Variants in LY86 observed in about 807,000 individuals in gnomAD.
The protein encoded by LY86 is MD-1, RP105-associated.
In LY86, 20 loss-of-function variants were observed where a neutral mutation model predicts 17.3. That is an observed-to-expected ratio of 1.15 (90% confidence interval 0.81 to 1.68). LY86 has a LOEUF of 1.68. Among genes scored for constraint, LY86 ranks in the 40% most tolerant of loss-of-function variants. LY86 has a pLI of 0.00. For synonymous variants in LY86, 74 were observed against 70.6 expected, an observed-to-expected ratio of 1.05 and a Z score of -0.24; for missense variants, 200 against 191.9, an observed-to-expected ratio of 1.04 and a Z score of -0.25.
chr6:6,604,779 G>C (rs938662367), intron 1 of LY86, among the ~76,000 whole-genome samples: 1 of 150,380 alleles, frequency 6.6e-6, no homozygotes, highest in Non-Finnish European at 1.5e-5. Context: ...GTTTCCCAGA[G>C]ATTCGTAAAA....
At chr6:6,589,599 A>C (rs922258317) in intron 1 of LY86, among the ~76,000 whole-genome samples, 11 of 152,168 alleles carry the variant, frequency 7.2e-5, no homozygotes, top group African/African-American at 2.7e-4. Flanking sequence ...AAACCACCAC[A>C]GGCTGGGGAC....
chr6:6,609,351 C>G (rs1250303060), intron 1 of LY86, among the ~76,000 whole-genome samples: 1 of 152,210 alleles, frequency 6.6e-6, no homozygotes, highest in East Asian at 1.9e-4. Context: ...AATTTGACTT[C>G]CCTGGTTCCA....
Position 6,588,811 on chromosome 6 carries a change from C to A in LY86, c.77C>A (p.Ala26Asp). ...TGCAGTGGAGGCGGCGGTGGGAAAGCCTGGCCCACACACGTGGTCTGTAGC... is the reference window on the plus strand; with the variant it reads ...TGCAGTGGAGGCGGCGGTGGGAAAGACTGGCCCACACACGTGGTCTGTAGC... ...PSCSGGGGGKAWPTHVVCSDS... is the reference protein window; with the variant it reads ...PSCSGGGGGKDWPTHVVCSDS... The change falls in exon 1 of 5, where the codon GCC becomes GAC. Residue 26 changes from alanine (A) to aspartate (D), a missense_variant. Transcript: ENST00000230568. 1.2e-6 allele frequency: 2 copies of A among 1,614,138 alleles called. No individual in the cohort carries two copies. Among genetic ancestry groups the A allele is most frequent in the Non-Finnish European group, 1.7e-6 (2 of 1,179,998 alleles).
At chr6:6,611,756 C>G (rs1761342302) in intron 1 of LY86, among the ~76,000 whole-genome samples, 1 of 152,110 alleles carries the variant, frequency 6.6e-6, no homozygotes, top group Non-Finnish European at 1.5e-5. Flanking sequence ...CCTTTGTATC[C>G]CACATCTAGC....
At chr6:6,644,193 T>TC (rs1762078616) in intron 3 of LY86, among the ~76,000 whole-genome samples, 1 of 152,240 alleles carries the variant, frequency 6.6e-6, no homozygotes, top group Non-Finnish European at 1.5e-5. Context: ...GCAGGCTGCA[T>TC]CTGCGCTGGT....
chr6:6,604,879 AAG>A (rs1425729140), intron 1 of LY86, among the ~76,000 whole-genome samples: 15 of 152,340 alleles, frequency 9.8e-5, no homozygotes, highest in Middle Eastern at 3.4e-3. Context: ...AATTACCTAA[AAG>A]AAGTTATAGA....
At chr6:6,648,386 C>T (rs1204769596) in intron 3 of LY86, among the ~76,000 whole-genome samples, 1 of 152,194 alleles carries the variant, frequency 6.6e-6, no homozygotes, top group African/African-American at 2.4e-5. Context: ...CTCAATCTTT[C>T]CAAGCTCTTC....
chr6:6,596,395 A>G (rs1476165019), intron 1 of LY86, among the ~76,000 whole-genome samples: 1 of 106,938 alleles, frequency 9.4e-6, no homozygotes, highest in Admixed American at 1.1e-4. Context: ...CATGCATGAA[A>G]CATCAAAAAA....
At chr6:6,605,510 TGG>T (rs550350277) in intron 1 of LY86, among the ~76,000 whole-genome samples, 2 of 152,224 alleles carry the variant, frequency 1.3e-5, no homozygotes, top group Admixed American at 6.5e-5. Context: ...TGCCTTGCCA[TGG>T]GGGGTCTCCC....
At chr6:6,632,802 C>T (rs949868469) in intron 3 of LY86, among the ~76,000 whole-genome samples, 1 of 152,206 alleles carries the variant, frequency 6.6e-6, no homozygotes, top group Admixed American at 6.5e-5. Context: ...GGAATGTCTA[C>T]TCCCTTCAAG....
intron 1 of LY86, among the ~76,000 whole-genome samples, chr6:6,612,549 A>G (rs965602416): frequency 7.2e-5 from 11 of 152,190 alleles, no homozygotes; most frequent in Non-Finnish European, 1.3e-4. Context: ...AAAGCAACGA[A>G]ACAACCAGTT....
At chr6:6,616,455 A>G (rs1761556628) in intron 1 of LY86, among the ~76,000 whole-genome samples, 1 of 152,158 alleles carries the variant, frequency 6.6e-6, no homozygotes. Context: ...CCTGCCTGAA[A>G]TCTCAGTCTC....
intron 1 of LY86, among the ~76,000 whole-genome samples, chr6:6,602,164 CAT>C (rs1446636566): frequency 3.3e-5 from 5 of 152,230 alleles, no homozygotes. Flanking sequence ...GGTGTCACCA[CAT>C]GAGTCCTGAA....
chr6:6,624,621 A>T (rs1378652746), intron 1 of LY86, among the ~76,000 whole-genome samples: 1 of 152,248 alleles, frequency 6.6e-6, no homozygotes, highest in African/African-American at 2.4e-5. Context: ...GAACTAAAAA[A>T]ATTCAGGCAA....
intron 4 of LY86, among the ~76,000 whole-genome samples, chr6:6,653,742 C>T (rs141457221): frequency 6.6e-6 from 1 of 152,226 alleles, no homozygotes; most frequent in African/African-American, 2.4e-5. Flanking sequence ...TCCAGTTGCT[C>T]AGGCCAGGAG....
At chr6:6,614,715 C>A (rs1761506629) in intron 1 of LY86, among the ~76,000 whole-genome samples, 1 of 151,620 alleles carries the variant, frequency 6.6e-6, no homozygotes, top group Non-Finnish European at 1.5e-5. Context: ...TCGTGCTTGG[C>A]AGAGAGTCGA....
intron 1 of LY86, among the ~76,000 whole-genome samples, chr6:6,623,799 A>G (rs915924898): frequency 1.3e-5 from 2 of 152,214 alleles, no homozygotes; most frequent in Non-Finnish European, 2.9e-5. Context: ...TCTCCAGTCC[A>G]GTGGGAAACA....
intron 1 of LY86, among the ~76,000 whole-genome samples, chr6:6,605,599 T>A (rs778404354): frequency 6.6e-6 from 1 of 152,268 alleles, no homozygotes; most frequent in Non-Finnish European, 1.5e-5. Flanking sequence ...CATAGTCTCA[T>A]GACATTGCAG....
intron 1 of LY86, among the ~76,000 whole-genome samples, chr6:6,601,029 GA>G (rs1290587699): frequency 6.6e-6 from 1 of 152,214 alleles, no homozygotes; most frequent in African/African-American, 2.4e-5. Flanking sequence ...TACCTGAGGG[GA>G]AAACTGCCAG....
Sources: allele counts gnomAD v4.1 joint callset (sites outside exome capture counted in the v4.1 genomes callset), GRCh38; gene constraint gnomAD v4.1.1; transcripts MANE v1.5; gene names NCBI Gene and HGNC (gene_info 2026-07-23, HGNC 2026-07-21).